ACTR3C: variants seen among roughly 807,000 people sequenced by gnomAD.
The protein encoded by ACTR3C is actin related protein 3C, also known as actin-related protein 3C.
ACTR3C carries 18 observed loss-of-function variants against 26.3 expected under a neutral mutation model. The observed-to-expected ratio is 0.68, with a 90% CI of 0.47 to 1.01. The LOEUF is 1.01. Among genes scored for constraint, ACTR3C ranks in the 50% least tolerant of loss-of-function variants. The pLI is 0.00. For missense variants in ACTR3C, 184 were observed against 250.7 expected (o/e 0.73, Z 1.80); for synonymous variants, 55 against 94.5 (o/e 0.58, Z 2.42).
At chr7:149,903,875 G>GTTGT in the ACTR3C span, among the ~76,000 whole-genome samples, 1 of 48,318 alleles carries the variant, frequency 2.1e-5, no homozygotes, top group East Asian at 2.4e-3. Flanking sequence ...CGTTGTTGTT[G>GTTGT]TTGTTGTTGT....
At chr7:150,135,661 C>A in the ACTR3C span, among the ~76,000 whole-genome samples, 1 of 151,948 alleles carries the variant, frequency 6.6e-6, no homozygotes, top group Non-Finnish European at 1.5e-5. Context: ...CGGTTACACA[C>A]CAAGGAAACT....
chr7:150,196,520 A>G, the ACTR3C span, among the ~76,000 whole-genome samples: 1 of 152,192 alleles, frequency 6.6e-6, no homozygotes, highest in Non-Finnish European at 1.5e-5. Context: ...TGCCTGTAAC[A>G]TAGTCATAGT....
At chr7:150,081,500 C>G in the ACTR3C span, among the ~76,000 whole-genome samples, 1 of 148,842 alleles carries the variant, frequency 6.7e-6, no homozygotes. Flanking sequence ...TTAGGAATAG[C>G]CAGTCATCTA....
chr7:150,106,819 C>G, the ACTR3C span, among the ~76,000 whole-genome samples: 1 of 145,344 alleles, frequency 6.9e-6, no homozygotes, highest in South Asian at 2.1e-4. Flanking sequence ...CATACAGGTG[C>G]TTCCCTGGCT....
the ACTR3C span, among the ~76,000 whole-genome samples, chr7:149,958,493 A>AGCAT: frequency 4.6e-5 from 7 of 152,224 alleles, no homozygotes; most frequent in African/African-American, 1.7e-4. Flanking sequence ...TCAAGCTTTG[A>AGCAT]GCATCTGGAG....
chr7:149,987,724 C>CG, the ACTR3C span, among the ~76,000 whole-genome samples: 2 of 148,662 alleles, frequency 1.3e-5, no homozygotes, highest in Non-Finnish European at 3.0e-5. Context: ...GGTACCAAAA[C>CG]ATCATGCCTC....
At chr7:150,196,487 A>G in the ACTR3C span, among the ~76,000 whole-genome samples, 2 of 152,132 alleles carry the variant, frequency 1.3e-5, no homozygotes, top group Admixed American at 6.5e-5. Context: ...TTGATCCTAC[A>G]TGCTGTTCAC....
At chr7:149,983,447 G>A in the ACTR3C span, among the ~76,000 whole-genome samples, 3 of 2,432 alleles carry the variant, frequency 1.2e-3, no homozygotes, top group Non-Finnish European at 0.012. Context: ...ATGTGTGTGT[G>A]TGTATATATA....
At chr7:150,234,572 C>T in the ACTR3C span, among the ~76,000 whole-genome samples, 9 of 152,220 alleles carry the variant, frequency 5.9e-5, no homozygotes, top group South Asian at 4.2e-4. Flanking sequence ...TCCACACTAG[C>T]GCTCCGGAAA....
In ACTR3C at chr7:150,263,412, C is replaced by T. The variant is rs536889840; in HGVS notation, c.565-14358G>A. ...ATGATGCTATTAAGAGAATTGTTGG[C>T]CTGGAAAATAGATCTGGAGAAAGTA... On this transcript the variant is annotated intron_variant, in intron 6 of 7. Coordinates refer to ENST00000683684, the MANE Select transcript of ACTR3C (RefSeq NM_001164458.2). 5.0e-3 allele frequency among the ~76,000 whole-genome samples: 752 copies of T among 151,662 alleles called. 3 individuals are homozygous for T. Among genetic ancestry groups the T allele is most frequent in the Admixed American group, 0.045 (684 of 15,152 alleles).
chr7:150,204,674 G>A, the ACTR3C span, among the ~76,000 whole-genome samples: 70 of 152,252 alleles, frequency 4.6e-4, no homozygotes, highest in Non-Finnish European at 9.4e-4. Context: ...GAGAAATTAA[G>A]ACTGGTGAGT....
chr7:149,908,869 C>CTG, the ACTR3C span, among the ~76,000 whole-genome samples: 3 of 151,886 alleles, frequency 2.0e-5, no homozygotes, highest in African/African-American at 4.8e-5. Flanking sequence ...GCAACCTCCA[C>CTG]CCCCCAGCTT....
chr7:150,178,345 C>T, the ACTR3C span, among the ~76,000 whole-genome samples: 4 of 147,878 alleles, frequency 2.7e-5, no homozygotes, highest in South Asian at 2.1e-4. Flanking sequence ...TACAGAGGCA[C>T]GATCTCAGCT....
the ACTR3C span, among the ~76,000 whole-genome samples, chr7:149,917,450 C>T: frequency 6.6e-6 from 1 of 152,106 alleles, no homozygotes; most frequent in African/African-American, 2.4e-5. Flanking sequence ...CTTTTGACAG[C>T]AGTAATATGT....
chr7:150,047,935 C>A, the ACTR3C span: 1 of 1,252,356 alleles, frequency 8.0e-7, no homozygotes, highest in African/African-American at 1.6e-5. Context: ...CCACCCCGCT[C>A]CAGATTAAAA....
At chr7:149,882,434 G>A in the ACTR3C span, among the ~76,000 whole-genome samples, 1 of 152,208 alleles carries the variant, frequency 6.6e-6, no homozygotes, top group Non-Finnish European at 1.5e-5. Context: ...TCTCTGGGCA[G>A]CCTCTGGACT....
the ACTR3C span, among the ~76,000 whole-genome samples, chr7:150,054,890 C>T: frequency 1.3e-5 from 2 of 152,218 alleles, no homozygotes; most frequent in African/African-American, 2.4e-5. Flanking sequence ...AGATGATCAT[C>T]AGTACTCCTC....
the ACTR3C span, among the ~76,000 whole-genome samples, chr7:150,133,079 AGAG>A: frequency 1.3e-5 from 2 of 152,156 alleles, no homozygotes; most frequent in Non-Finnish European, 2.9e-5. Flanking sequence ...AGTTTGTGAA[AGAG>A]AATTAAAACT....
chr7:150,227,688 G>GTGTTTTTTTTTTTTTTTTT, the ACTR3C span, among the ~76,000 whole-genome samples: 5 of 111,386 alleles, frequency 4.5e-5, no homozygotes, highest in East Asian at 2.7e-4. Context: ...TTGTGTCTGG[G>GTGTTTTTTTTTTTTTTTTT]TTTTTTTTTT....
Sources: allele counts gnomAD v4.1 joint callset (sites outside exome capture counted in the v4.1 genomes callset), GRCh38; gene constraint gnomAD v4.1.1; transcripts MANE v1.5; gene names NCBI Gene and HGNC (gene_info 2026-07-23, HGNC 2026-07-21).